Variants in EPHA7 observed in about 807,000 individuals in gnomAD.
EPHA7 encodes ephrin type-A receptor 7.
In EPHA7, 25 loss-of-function variants were observed where a neutral mutation model predicts 112.6. That is an observed-to-expected ratio of 0.22 (90% confidence interval 0.16 to 0.31). EPHA7 has a LOEUF of 0.31. EPHA7 is among the 10% of genes least tolerant of loss of function. EPHA7 has a pLI of 1.00. For missense variants in EPHA7, 962 were observed against 1,212.6 expected (o/e 0.79, Z 3.07); for synonymous variants, 437 against 406.5 (o/e 1.07, Z -0.90).
intron 3 of EPHA7, chr6:93,409,837 G>A (rs528480025): frequency 6.7e-6 from 1 of 149,566 alleles, no homozygotes; most frequent in African/African-American, 2.5e-5. Context: ...CATGCAATTG[G>A]TGTACTATAA....
intron 7 of EPHA7, among the ~76,000 whole-genome samples, chr6:93,265,246 TTGTC>T (rs757465732): frequency 5.9e-4 from 89 of 151,864 alleles, no homozygotes; most frequent in East Asian, 1.9e-4. Flanking sequence ...ATGAGCCACA[TTGTC>T]TGTGTTAATT....
intron 3 of EPHA7, among the ~76,000 whole-genome samples, chr6:93,394,948 C>A (rs1173539346): frequency 6.6e-6 from 1 of 151,688 alleles, no homozygotes; most frequent in Non-Finnish European, 1.5e-5. Flanking sequence ...ATTTTACTTA[C>A]AAAATACAGC....
chr6:93,302,985 G>A (rs75583125), intron 5 of EPHA7, among the ~76,000 whole-genome samples: 133 of 152,230 alleles, frequency 8.7e-4, no homozygotes, highest in African/African-American at 3.0e-3. Flanking sequence ...AACACTACCT[G>A]CAGGGGTAAA....
At chr6:93,357,403 G>A (rs1320112006) in intron 4 of EPHA7, among the ~76,000 whole-genome samples, 2 of 152,112 alleles carry the variant, frequency 1.3e-5, no homozygotes, top group African/African-American at 4.8e-5. Flanking sequence ...CAGCTGTGCA[G>A]TAGTTTAAAA....
At chr6:93,308,046 G>A (rs1287715146) in intron 5 of EPHA7, among the ~76,000 whole-genome samples, 1 of 152,152 alleles carries the variant, frequency 6.6e-6, no homozygotes, top group Non-Finnish European at 1.5e-5. Flanking sequence ...TGTAGGCTGG[G>A]AGAAATGCTA....
intron 5 of EPHA7, among the ~76,000 whole-genome samples, chr6:93,327,146 A>C (rs568890066): frequency 1.3e-5 from 2 of 151,728 alleles, no homozygotes; most frequent in South Asian, 4.1e-4. Context: ...TCTGATGGCC[A>C]CTAGACTCAT....
chr6:93,343,827 T>G lies in EPHA7; in HGVS notation c.1324+12890A>C, dbSNP rs137900138. Among the ~76,000 whole-genome samples, 502 of 151,792 alleles carry G rather than the reference T, an allele frequency of 3.3e-3. 2 individuals are homozygous for G. The highest frequency in any genetic ancestry group is 0.012 in the African/African-American group (484 of 41,506). On this transcript the variant is annotated intron_variant, in intron 5 of 16. Transcript: ENST00000369303. The stretch of plus-strand genomic sequence containing the variant: ...AGGTCAGCTGTTGTATTTTCAAACA[T>G]AACACCAGTGTTTAATGCAGCAAGT...
At chr6:93,338,387 A>T (rs1319875355) in intron 5 of EPHA7, among the ~76,000 whole-genome samples, 1 of 152,056 alleles carries the variant, frequency 6.6e-6, no homozygotes, top group Non-Finnish European at 1.5e-5. Context: ...TAAATAAGAG[A>T]GTGACTTTCA....
At position 93,244,070 on chromosome 6, in the gene EPHA7, TTA is replaced by T. The variant is rs546720750; in HGVS notation, c.2883-532_2883-531del. Among the ~76,000 whole-genome samples the T allele has an allele frequency of 1.8e-3, 279 of 152,294 alleles. 1 individual carries two copies. The highest frequency in any genetic ancestry group is 3.3e-3 in the Non-Finnish European group (226 of 68,012). ...TATTTCAGTGAGTTCAATCATTTCA[TTA>T]TATGTTATAAAAACTATCTTTTAAA... On this transcript the variant is annotated intron_variant, in intron 16 of 16. Coordinates refer to ENST00000369303, the MANE Select transcript of EPHA7 (RefSeq NM_004440.4).
chr6:93,255,272 C>G (rs1029218796), intron 13 of EPHA7, among the ~76,000 whole-genome samples: 1 of 151,988 alleles, frequency 6.6e-6, no homozygotes, highest in African/African-American at 2.4e-5. Context: ...TGCTTGAACC[C>G]GGGAGGCGGA....
intron 5 of EPHA7, 98 bp downstream of exon 5, chr6:93,356,619 T>C (rs1331619252): frequency 1.8e-6 from 2 of 1,134,328 alleles, no homozygotes; most frequent in Non-Finnish European, 2.5e-6. Flanking sequence ...GCTGGAAGAA[T>C]CAAGCTCTGT....
intron 5 of EPHA7, among the ~76,000 whole-genome samples, chr6:93,277,737 T>G (rs750525931): frequency 1.1e-4 from 16 of 151,978 alleles, no homozygotes; most frequent in Non-Finnish European, 1.9e-4. Context: ...ATAATGATTT[T>G]CAAAATGTAA....
At position 93,358,251 on chromosome 6, in the gene EPHA7, C is replaced by G; in HGVS notation, c.988+5G>C. On this transcript the variant is annotated splice_donor_5th_base_variant and intron_variant, in intron 4 of 16. Coordinates refer to ENST00000369303, the MANE Select transcript of EPHA7 (RefSeq NM_004440.4). ...AAAGTCCTTTACTTTCATAATACAA[C>G]TCACTTGTGCACGCAACGTATGGTG... 6.3e-7 allele frequency: 1 copy of G among 1,599,134 alleles called. No individual in the cohort carries two copies. The highest frequency in any genetic ancestry group is 8.5e-7 in the Non-Finnish European group (1 of 1,172,026).
intron 3 of EPHA7, among the ~76,000 whole-genome samples, chr6:93,391,022 CCCCAATATATTACATT>C (rs1777879812): frequency 6.6e-6 from 1 of 151,792 alleles, no homozygotes; most frequent in African/African-American, 2.4e-5. Flanking sequence ...ATTCCTAATC[CCCCAATATATTACATT>C]CCCATCAGTT....
At chr6:93,337,957 G>A (rs1163668747) in intron 5 of EPHA7, among the ~76,000 whole-genome samples, 2 of 151,932 alleles carry the variant, frequency 1.3e-5, no homozygotes, top group Non-Finnish European at 2.9e-5. Flanking sequence ...GATGGAGGGA[G>A]GTGAGGAAAA....
At position 93,267,943 on chromosome 6, in the gene EPHA7, A is replaced by G. The variant is rs1020255660; in HGVS notation, c.1633+1534T>C. Among the ~76,000 whole-genome samples, 7 of 151,824 alleles carry G rather than the reference A, an allele frequency of 4.6e-5. 1 individual carries two copies. The South Asian group carries it at 1.5e-3, about 31-fold the overall frequency. ...CTATTTATTAAAAGATGAAAAACAT[A>G]ATTTGAAGTATCTTATTATATCTGA... On this transcript the variant is annotated intron_variant, in intron 7 of 16. Transcript: ENST00000369303.
chr6:93,272,264 C>A, intron 6 of EPHA7, 34 bp downstream of exon 6: 1 of 1,608,820 alleles, frequency 6.2e-7, no homozygotes, highest in South Asian at 1.1e-5. Context: ...AGACACACAG[C>A]ACATTGTACA....
rs191067907 is a variant in EPHA7, at chr6:93,263,341, C to G, written c.1798+519G>C. ...ATGAACTTTTAAGAATAAGCTAACT[C>G]AAATCCATAGGAAAACATCAGAAGT... On this transcript the variant is annotated intron_variant, in intron 9 of 16. Transcript: ENST00000369303. Among the ~76,000 whole-genome samples, 1,291 of 151,486 alleles carry G rather than the reference C, an allele frequency of 8.5e-3. 10 individuals are homozygous for G. Among genetic ancestry groups the G allele is most frequent in the Non-Finnish European group, 0.015 (986 of 67,570 alleles).
intron 14 of EPHA7, among the ~76,000 whole-genome samples, chr6:93,248,406 AT>A (rs151218108): frequency 7.2e-4 from 110 of 152,254 alleles, no homozygotes; most frequent in African/African-American, 2.5e-3. Context: ...AAGTAAATAG[AT>A]GGACTTAGTT....
Sources: gnomAD v4.1 joint callset for allele counts (sites outside exome capture counted in the v4.1 genomes callset) on GRCh38, gnomAD v4.1.1 for gene constraint, MANE v1.5 for transcripts, NCBI Gene and HGNC (gene_info 2026-07-23, HGNC 2026-07-21) for gene names.